Variants in RXRA observed in about 807,000 individuals in gnomAD.
RXRA encodes the protein retinoid X receptor alpha.
In RXRA, 5 loss-of-function variants were observed where a neutral mutation model predicts 44.5. That is an observed-to-expected ratio of 0.11 (90% CI 0.06 to 0.24). The LOEUF is 0.24. Ranked by LOEUF, RXRA falls within the 10% of genes least tolerant of loss-of-function variation. The pLI is 1.00. For synonymous variants in RXRA, 291 were observed against 271.4 expected (o/e 1.07, Z -0.71); for missense variants, 412 against 646.5 (o/e 0.64, Z 3.93).
rs1476134049 is a variant in RXRA at position 134,349,345 on chromosome 9, C to T, written c.28+22686C>T. Among the ~76,000 whole-genome samples the T allele has an allele frequency of 6.6e-6, 1 of 152,182 alleles. No homozygotes were observed. Among genetic ancestry groups the T allele is most frequent in the Non-Finnish European group, 1.5e-5 (1 of 68,030 alleles). ...GCCTGTTGGGCCGGGGCGCCTCGGC[C>T]TGGTGGAGGGCTTCGCCGAGCTTGG... On this transcript the variant is annotated intron_variant, in intron 1 of 9. Transcript: ENST00000481739. The surrounding 1 kb of genome is among the most constrained non-coding windows in gnomAD (Gnocchi z 4.3).
chr9:134,340,605 C>T (rs149086051), intron 1 of RXRA, among the ~76,000 whole-genome samples: 7 of 152,296 alleles, frequency 4.6e-5, no homozygotes, highest in Non-Finnish European at 8.8e-5. Flanking sequence ...TTTCTGCAGG[C>T]ACCCAGGCAG....
intron 1 of RXRA, among the ~76,000 whole-genome samples, chr9:134,373,697 C>T (rs1054888820): frequency 4.6e-5 from 7 of 152,196 alleles, no homozygotes; most frequent in African/African-American, 1.7e-4. Context: ...GTGAGTGGCA[C>T]CTCCCACAGG....
rs949042901 is a variant in RXRA at position 134,434,044 on chromosome 9, G to A, written c.1136-58G>A. On this transcript the variant is annotated intron_variant, in intron 8 of 9. Coordinates refer to ENST00000481739, the MANE Select transcript of RXRA (RefSeq NM_002957.6). ...CCCCACACAAGCCTGGGTCCTGGGG[G>A]CAGGTGCCCGAGACACGCCCCAGCT... 6.8e-6 allele frequency: 9 copies of A among 1,330,552 alleles called. No homozygotes were observed. The African/African-American group carries it at 1.1e-4, about 17-fold the overall frequency. The allele number at this position is 1,330,552 out of a possible 1,614,324, so 82.4% of individuals were successfully genotyped here.
chr9:134,341,609 C>A (rs1178973063), intron 1 of RXRA, among the ~76,000 whole-genome samples: 1 of 152,210 alleles, frequency 6.6e-6, no homozygotes, highest in African/African-American at 2.4e-5. Context: ...TTGGAGGAGG[C>A]GTGGGCATGG....
At chr9:134,381,113 G>C (rs75125511) in intron 1 of RXRA, among the ~76,000 whole-genome samples, 2 of 152,192 alleles carry the variant, frequency 1.3e-5, no homozygotes, top group Admixed American at 1.3e-4. Flanking sequence ...CAGAGCCTGC[G>C]GTGGGCACTG....
intron 1 of RXRA, among the ~76,000 whole-genome samples, chr9:134,327,880 C>G (rs1359874463): frequency 6.6e-6 from 1 of 152,186 alleles, no homozygotes; most frequent in Non-Finnish European, 1.5e-5. Context: ...CGCTTACTCC[C>G]TGCCTCTGTC....
At chr9:134,400,695 A>G (rs6537999) in intron 1 of RXRA, among the ~76,000 whole-genome samples, 20,402 of 152,144 alleles carry the variant, frequency 0.13, 4,492 homozygotes, top group African/African-American at 0.46. Context: ...GCAGGGGGGC[A>G]CCTCCTGAAG....
At chr9:134,418,035 T>C (rs1831269615) in intron 5 of RXRA, among the ~76,000 whole-genome samples, 1 of 152,146 alleles carries the variant, frequency 6.6e-6, no homozygotes, top group South Asian at 2.1e-4. Flanking sequence ...TCCCTGTTAC[T>C]GGCTCGCTCC....
chr9:134,333,661 G>T (rs1225367333), intron 1 of RXRA, among the ~76,000 whole-genome samples: 2 of 152,212 alleles, frequency 1.3e-5, no homozygotes, highest in Non-Finnish European at 2.9e-5. Flanking sequence ...TGGTGCTGCA[G>T]CCCAGAATGC....
At chr9:134,369,923 T>G (rs1041989340) in intron 1 of RXRA, among the ~76,000 whole-genome samples, 2 of 152,192 alleles carry the variant, frequency 1.3e-5, no homozygotes, top group Admixed American at 1.3e-4. Flanking sequence ...GTACTGTGTT[T>G]GCACACGTGG....
intron 1 of RXRA, among the ~76,000 whole-genome samples, chr9:134,328,675 C>T (rs1653996040): frequency 6.6e-6 from 1 of 152,224 alleles, no homozygotes; most frequent in Admixed American, 6.5e-5. Flanking sequence ...GCCCTTTTGT[C>T]AACACAGCCT....
chr9:134,355,164 T>C (rs1415428978), intron 1 of RXRA, among the ~76,000 whole-genome samples: 1 of 152,196 alleles, frequency 6.6e-6, no homozygotes, highest in Non-Finnish European at 1.5e-5. Context: ...CAGGCACATC[T>C]CTGCTGGCGT....
At chr9:134,434,279 G>A in intron 9 of RXRA, 72 bp downstream of exon 9, 1 of 1,113,286 alleles carries the variant, frequency 9.0e-7, no homozygotes, top group South Asian at 1.3e-5. Context: ...CCCCTGCAAG[G>A]CCATTTTATG....
At chr9:134,419,810 C>G (rs1564293669) in intron 5 of RXRA, among the ~76,000 whole-genome samples, 1 of 152,218 alleles carries the variant, frequency 6.6e-6, no homozygotes, top group Non-Finnish European at 1.5e-5. Flanking sequence ...GGACCCCCTC[C>G]AGGCCTAGCC....
At position 134,433,461 on chromosome 9, in the gene RXRA, C is replaced by T. The variant is rs1026005644; in HGVS notation, c.1136-641C>T. 5.9e-5 allele frequency among the ~76,000 whole-genome samples: 9 copies of T among 152,018 alleles called. No individual in the cohort carries two copies. Among genetic ancestry groups the T allele is most frequent in the African/African-American group, 2.2e-4 (9 of 41,364 alleles). On this transcript the variant is annotated intron_variant, in intron 8 of 9. Transcript: ENST00000481739. This position sits in a 1 kb window ranked among gnomAD's most constrained non-coding sequence, Gnocchi z 4.2. ...CGGAGGCAGCTGGGGGAGCCAGGTACGTTGCCAAGGAGCCCAGGACACAGG... is the reference window on the plus strand; with the variant it reads ...CGGAGGCAGCTGGGGGAGCCAGGTATGTTGCCAAGGAGCCCAGGACACAGG...
In RXRA at chr9:134,362,398, A is replaced by G. The variant is rs141425649; in HGVS notation, c.28+35739A>G. 5.7e-3 allele frequency among the ~76,000 whole-genome samples: 867 copies of G among 152,326 alleles called. 6 individuals are homozygous for G. The highest frequency in any genetic ancestry group is 0.02 in the African/African-American group (829 of 41,576). On this transcript the variant is annotated intron_variant, in intron 1 of 9. Transcript: ENST00000481739. ...GGCCCGCCTCGCTGGGTGCCCCTGC[A>G]GACACTCTGCAGCCCGCGTTTCTCC...
At chr9:134,427,281 C>T (rs1034179892) in intron 6 of RXRA, 7 of 544,470 alleles carry the variant, frequency 1.3e-5, no homozygotes, top group Non-Finnish European at 1.2e-5. Flanking sequence ...CATGCTGCGG[C>T]CTTGGTTGTG....
intron 4 of RXRA, among the ~76,000 whole-genome samples, chr9:134,411,203 C>G (rs1831142834): frequency 6.6e-6 from 1 of 152,220 alleles, no homozygotes; most frequent in South Asian, 2.1e-4. Flanking sequence ...CTGACTCCTT[C>G]CTAAGGCCCT....
chr9:134,331,701 G>A (rs1390750187), intron 1 of RXRA, among the ~76,000 whole-genome samples: 2 of 152,256 alleles, frequency 1.3e-5, no homozygotes, highest in Non-Finnish European at 2.9e-5. Flanking sequence ...ACAGAGACAA[G>A]CCCACTTAGT....
Sources: gnomAD v4.1 joint callset for allele counts (sites outside exome capture counted in the v4.1 genomes callset) on GRCh38, gnomAD v4.1.1 for gene constraint, Gnocchi (gnomAD v3.1) non-coding constraint, MANE v1.5 for transcripts, NCBI Gene and HGNC (gene_info 2026-07-23, HGNC 2026-07-21) for gene names.